The following PCDHGA2 variants were observed in gnomAD, a reference collection of about 807,000 sequenced individuals.
The protein encoded by PCDHGA2 is protocadherin gamma subfamily A, 2.
Under a neutral mutation model 59.2 loss-of-function variants are expected in PCDHGA2, and 40 were observed. The observed-to-expected ratio is 0.68, with a 90% confidence interval of 0.52 to 0.88. PCDHGA2 has a LOEUF of 0.88. Among genes scored for constraint, PCDHGA2 ranks in the 40% least tolerant of loss-of-function variants. The probability of loss-of-function intolerance (pLI) is 0.00; values close to 1 mark genes in which losing one functional copy is unlikely to be tolerated. For missense variants in PCDHGA2, 1,226 were observed against 1,204.0 expected, an observed-to-expected ratio of 1.02 and a Z score of -0.27; for synonymous variants, 560 against 526.0, an observed-to-expected ratio of 1.06 and a Z score of -0.89.
At chr5:141,372,309 C>A in intron 1 of PCDHGA2, 1 of 1,613,518 alleles carries the variant, frequency 6.2e-7, no homozygotes, top group Non-Finnish European at 8.5e-7. Flanking sequence ...GGAGGCCGCC[C>A]GCCAGCGCCT....
At chr5:141,360,980 A>G in intron 1 of PCDHGA2, 1 of 1,613,832 alleles carries the variant, frequency 6.2e-7, no homozygotes, top group Non-Finnish European at 8.5e-7. Context: ...TACTCCTTTC[A>G]TAATGTGGAC....
intron 1 of PCDHGA2, chr5:141,428,653 T>A (rs952656382): frequency 1.8e-5 from 3 of 167,524 alleles, no homozygotes; most frequent in Admixed American, 1.1e-4. Flanking sequence ...TCACGTGAGT[T>A]CCAATGAATG....
At chr5:141,499,025 GAAGA>G (rs1309889371) in intron 2 of PCDHGA2, among the ~76,000 whole-genome samples, 11 of 140,712 alleles carry the variant, frequency 7.8e-5, no homozygotes, top group African/African-American at 2.6e-4. Flanking sequence ...AGGAAGGAAG[GAAGA>G]AAAGAAAGAA....
Position 141,409,737 on chromosome 5 carries a change from G to C in PCDHGA2, c.2424+68342G>C, listed in dbSNP as rs199531162. The C allele has an allele frequency of 1.4e-3, 2,254 of 1,613,108 alleles. 2 individuals carry two copies. Among genetic ancestry groups the C allele is most frequent in the Non-Finnish European group, 1.8e-3 (2,079 of 1,179,866 alleles). On this transcript the variant is annotated intron_variant, in intron 1 of 3. Coordinates refer to ENST00000394576, the MANE Select transcript of PCDHGA2 (RefSeq NM_018915.4). ...TACGTGTCAGTGAGCGCGCAGAGCGGGGTGGTGTTCGCGCAGCGCGCCTTT... is the reference window on the plus strand; with the variant it reads ...TACGTGTCAGTGAGCGCGCAGAGCGCGGTGGTGTTCGCGCAGCGCGCCTTT...
At chr5:141,429,297 T>C (rs985228754) in intron 1 of PCDHGA2, 7 of 152,208 alleles carry the variant, frequency 4.6e-5, no homozygotes, top group Admixed American at 3.3e-4. Flanking sequence ...GGGACATCAA[T>C]ATTTGAGTAT....
intron 1 of PCDHGA2, chr5:141,399,104 A>G (rs561995889): frequency 6.2e-7 from 1 of 1,613,860 alleles, no homozygotes; most frequent in South Asian, 1.1e-5. Context: ...CTGGTTGCAC[A>G]ATGTACAGTT....
intron 1 of PCDHGA2, chr5:141,427,231 G>A (rs1561827383): frequency 2.2e-6 from 1 of 456,612 alleles, no homozygotes; most frequent in African/African-American, 2.0e-5. Flanking sequence ...TATACCATGA[G>A]AGTAGAAGCT....
chr5:141,443,307 C>A (rs1447607301), intron 1 of PCDHGA2, among the ~76,000 whole-genome samples: 1 of 136,584 alleles, frequency 7.3e-6, no homozygotes, highest in Non-Finnish European at 1.5e-5. Flanking sequence ...ATGGCAAAAA[C>A]CCATCTCTAC....
chr5:141,404,798 C>T (rs1422774939), intron 1 of PCDHGA2: 2 of 1,613,842 alleles, frequency 1.2e-6, no homozygotes, highest in Admixed American at 1.7e-5. Context: ...TGAGCCAGGG[C>T]TCTTCTCGGT....
chr5:141,479,636 CA>C (rs1397283180), intron 1 of PCDHGA2: 1 of 152,080 alleles, frequency 6.6e-6, no homozygotes, highest in African/African-American at 2.4e-5. Flanking sequence ...TTAACAATAA[CA>C]ACAACAACAA....
intron 1 of PCDHGA2, chr5:141,400,244 C>T (rs765839538): frequency 1.9e-6 from 3 of 1,613,928 alleles, no homozygotes; most frequent in East Asian, 4.5e-5. Flanking sequence ...GTGATTCTGG[C>T]CGTTGCCTTG....
intron 1 of PCDHGA2, chr5:141,372,054 G>A (rs377450479): frequency 3.1e-6 from 5 of 1,613,396 alleles, no homozygotes; most frequent in Middle Eastern, 1.7e-4. Context: ...GTTGGTGGAC[G>A]ACCGCAACGA....
intron 1 of PCDHGA2, chr5:141,389,222 C>T (rs765730840): frequency 6.2e-7 from 1 of 1,614,072 alleles, no homozygotes; most frequent in Non-Finnish European, 8.5e-7. Flanking sequence ...TAAATGACAA[C>T]GCTCCGGTTT....
intron 1 of PCDHGA2, chr5:141,403,850 G>T: frequency 6.2e-7 from 1 of 1,613,634 alleles, no homozygotes; most frequent in Non-Finnish European, 8.5e-7. Context: ...AAATACTGGG[G>T]AAATATCAAC....
At chr5:141,453,287 A>ATTT (rs2098760771) in intron 1 of PCDHGA2, among the ~76,000 whole-genome samples, 3 of 151,368 alleles carry the variant, frequency 2.0e-5, no homozygotes, top group African/African-American at 7.3e-5. Flanking sequence ...CTAATTTTTT[A>ATTT]ATTATTTATT....
At chr5:141,415,597 A>G (rs1206125540) in intron 1 of PCDHGA2, 2 of 1,613,800 alleles carry the variant, frequency 1.2e-6, no homozygotes, top group South Asian at 1.1e-5. Flanking sequence ...TATAGAGGAT[A>G]CCCCATTGGT....
chr5:141,365,766 C>A (rs6882138), intron 1 of PCDHGA2: 12 of 1,613,778 alleles, frequency 7.4e-6, no homozygotes, highest in Non-Finnish European at 9.3e-6. Flanking sequence ...GCCCATGACC[C>A]CGACAGCGGC....
intron 1 of PCDHGA2, among the ~76,000 whole-genome samples, chr5:141,380,336 G>T (rs1221282125): frequency 1.3e-5 from 2 of 152,060 alleles, no homozygotes; most frequent in Non-Finnish European, 2.9e-5. Flanking sequence ...GAACTTCAAA[G>T]AACTGTTTTG....
rs1248104988 is a variant in PCDHGA2, at chr5:141,409,585, G to A, written c.2424+68190G>A. 3.1e-6 allele frequency: 5 copies of A among 1,613,912 alleles called. No individual in the cohort carries two copies. The Admixed American group carries it at 5.0e-5, about 16-fold the overall frequency. ...ACCAGACGTCCTACGTGGTCCACGT[G>A]GCCGAGAACAACCCGCCAGGAGCCT... On this transcript the variant is annotated intron_variant, in intron 1 of 3. Coordinates refer to ENST00000394576, the MANE Select transcript of PCDHGA2 (RefSeq NM_018915.4).
Sources: gnomAD v4.1 joint callset for allele counts (sites outside exome capture counted in the v4.1 genomes callset) on GRCh38, gnomAD v4.1.1 for gene constraint, MANE v1.5 for transcripts, NCBI Gene and HGNC (gene_info 2026-07-23, HGNC 2026-07-21) for gene names.